CCSER2: variants seen among roughly 807,000 people sequenced by gnomAD.
CCSER2 encodes serine-rich coiled-coil domain-containing protein 2.
In CCSER2, 46 loss-of-function variants were observed where a neutral mutation model predicts 92.3. The ratio of observed to expected loss-of-function variants is 0.50; its 90% CI spans 0.39 to 0.64. CCSER2 has a LOEUF of 0.64. Among genes scored for constraint, CCSER2 ranks in the 30% least tolerant of loss-of-function variants. The pLI, the probability that CCSER2 is intolerant of heterozygous loss-of-function variation, is 0.00. For synonymous variants in CCSER2, 433 were observed against 431.4 expected, an observed-to-expected ratio of 1.00 and a Z score of -0.04; for missense variants, 1,244 against 1,238.9, an observed-to-expected ratio of 1.00 and a Z score of -0.06.
intron 5 of CCSER2, among the ~76,000 whole-genome samples, chr10:84,437,148 C>CAG (rs761029705): frequency 8.4e-5 from 12 of 143,276 alleles, no homozygotes; most frequent in African/African-American, 2.6e-4. Flanking sequence ...CACACACACA[C>CAG]ACAGAGAGAG....
intron 3 of CCSER2, among the ~76,000 whole-genome samples, chr10:84,410,600 T>G (rs560599205): frequency 5.1e-4 from 78 of 152,342 alleles, no homozygotes; most frequent in African/African-American, 1.8e-3. Context: ...GCCCATGTTT[T>G]ATTGGGATTG....
At position 84,371,068 on chromosome 10, in the gene CCSER2, C is replaced by G; in HGVS notation, c.16C>G (p.Gln6Glu). Residue 6 changes from glutamine to glutamate, a missense_variant, in exon 2 of 10, where the codon CAA becomes GAA. Gln to Glu is a conservative substitution (Grantham distance 29). Coordinates refer to ENST00000372088, the MANE Select transcript of CCSER2 (RefSeq NM_001284240.2). Reference sequence around the variant, plus strand: ...CTTATAGCTCATGGAAGAAAAAACACAAATCAAGACATTTTTGGGTTCCAA... The same window carrying G: ...CTTATAGCTCATGGAAGAAAAAACAGAAATCAAGACATTTTTGGGTTCCAA... Reference protein sequence around the residue: MEEKTQIKTFLGSKLP... With the variant: MEEKTEIKTFLGSKLP... 1.3e-6 allele frequency: 2 copies of G among 1,585,580 alleles called. No individual in the cohort carries two copies. Among genetic ancestry groups the G allele is most frequent in the Non-Finnish European group, 1.7e-6 (2 of 1,169,008 alleles).
chr10:84,332,486 T>G (rs1843635013), intron 1 of CCSER2, among the ~76,000 whole-genome samples: 1 of 131,154 alleles, frequency 7.6e-6, no homozygotes, highest in Non-Finnish European at 1.6e-5. Flanking sequence ...GTTGCCAGGC[T>G]GGAGTGCAGC....
intron 9 of CCSER2, among the ~76,000 whole-genome samples, chr10:84,495,987 G>GT (rs1167230450): frequency 1.4e-5 from 2 of 138,800 alleles, no homozygotes; most frequent in African/African-American, 2.5e-5. Context: ...CTTTATTTCT[G>GT]TTTTTTCTTT....
intron 3 of CCSER2, among the ~76,000 whole-genome samples, chr10:84,385,896 A>G (rs541603058): frequency 6.6e-6 from 1 of 152,280 alleles, no homozygotes; most frequent in Admixed American, 6.5e-5. Context: ...AAAAAAATGT[A>G]TAACTCCATT....
chr10:84,337,362 T>C (rs1385486573), intron 1 of CCSER2, among the ~76,000 whole-genome samples: 1 of 152,120 alleles, frequency 6.6e-6, no homozygotes, highest in Non-Finnish European at 1.5e-5. Flanking sequence ...CCAAGTGAAA[T>C]GTTGTAAGAA....
chr10:84,349,661 C>T (rs1844754194), intron 1 of CCSER2, among the ~76,000 whole-genome samples: 1 of 152,190 alleles, frequency 6.6e-6, no homozygotes, highest in South Asian at 2.1e-4. Flanking sequence ...CAGAGTGGGA[C>T]GACAGAGAGA....
At chr10:84,361,602 A>G (rs1225275914) in intron 1 of CCSER2, among the ~76,000 whole-genome samples, 1 of 151,266 alleles carries the variant, frequency 6.6e-6, no homozygotes, top group Non-Finnish European at 1.5e-5. Flanking sequence ...GGTCTTCATT[A>G]CCATGTTGTA....
In CCSER2 at chr10:84,372,267, T is replaced by G. The variant is rs1846102484; in HGVS notation, c.1215T>G (p.Ser405=). 6.2e-7 allele frequency: 1 copy of G among 1,613,172 alleles called. No homozygotes were observed. The highest frequency in any genetic ancestry group is 8.5e-7 in the Non-Finnish European group (1 of 1,179,278). ...DDISLSSLSS[S]DKNDLSEDFS... is the part of the protein sequence containing the mutation. ...TTTCCTTGTCGTCTTTGTCATCTTC[T>G]GATAAGAATGATTTAAGTGAAGACT... Residue 405 remains serine (S), a synonymous_variant, in exon 2 of 10, where the codon TCT becomes TCG. Coordinates refer to ENST00000372088, the MANE Select transcript of CCSER2 (RefSeq NM_001284240.2).
intron 5 of CCSER2, among the ~76,000 whole-genome samples, chr10:84,436,602 T>TCTAG (rs1040470626): frequency 4.9e-5 from 7 of 142,202 alleles, no homozygotes; most frequent in Non-Finnish European, 1.5e-5. Flanking sequence ...GCCACTGCAC[T>TCTAG]CTAGCCTGGG....
At chr10:84,442,646 G>A (rs1266119516) in intron 6 of CCSER2, among the ~76,000 whole-genome samples, 4 of 152,032 alleles carry the variant, frequency 2.6e-5, no homozygotes, top group African/African-American at 9.7e-5. Flanking sequence ...GGGAAGAAAA[G>A]GTTTTTTAAA....
At chr10:84,471,904 T>C (rs1423911752) in intron 8 of CCSER2, among the ~76,000 whole-genome samples, 1 of 152,084 alleles carries the variant, frequency 6.6e-6, no homozygotes, top group Non-Finnish European at 1.5e-5. Context: ...AGGAATATGC[T>C]GAAGGAAGTT....
At chr10:84,335,228 CTTT>C (rs1202869188) in intron 1 of CCSER2, among the ~76,000 whole-genome samples, 1,559 of 69,880 alleles carry the variant, frequency 0.022, 34 homozygotes, top group African/African-American at 0.085. Context: ...CTCTCTCTCT[CTTT>C]TTTTTTTTTT....
rs57427963 is a variant in CCSER2 at position 84,483,953 on chromosome 10, TTATATATATATATATATATA to T, written c.2325+6314_2325+6333del. Reference sequence around the variant, plus strand: ...GTGCATCCCACCACACCCGGCTAATTTATATATATATATATATATATATATATATATATATATATATATAA... The same window carrying T: ...GTGCATCCCACCACACCCGGCTAATTTATATATATATATATATATATATAA... On this transcript the variant is annotated intron_variant, in intron 9 of 9. Transcript: ENST00000372088. Among the ~76,000 whole-genome samples, 44 of 48,054 alleles carry T rather than the reference TTATATATATATATATATATA, an allele frequency of 9.2e-4. 2 individuals are homozygous for T. The highest frequency in any genetic ancestry group is 6.9e-3 in the East Asian group (7 of 1,018). The allele number at this position is 48,054 out of a possible 152,430, so 31.5% of individuals were successfully genotyped here.
At chr10:84,329,452 G>A (rs1423881224) in intron 1 of CCSER2, among the ~76,000 whole-genome samples, 1 of 152,224 alleles carries the variant, frequency 6.6e-6, no homozygotes, top group Non-Finnish European at 1.5e-5. Context: ...CGACCAATGA[G>A]GCTGGCTGCT....
At chr10:84,412,952 C>T (rs1842726167) in intron 3 of CCSER2, among the ~76,000 whole-genome samples, 1 of 152,156 alleles carries the variant, frequency 6.6e-6, no homozygotes, top group African/African-American at 2.4e-5. Flanking sequence ...ATAGTATTCT[C>T]TGATGATTGT....
chr10:84,341,375 G>A (rs920837981), intron 1 of CCSER2, among the ~76,000 whole-genome samples: 3 of 143,502 alleles, frequency 2.1e-5, no homozygotes, highest in African/African-American at 8.0e-5. Context: ...TTTAGAGGCG[G>A]AGTTTTGCTA....
In CCSER2 at chr10:84,499,104, T is replaced by C. The variant is rs1408460509; in HGVS notation, c.2326-14345T>C. Among the ~76,000 whole-genome samples, 8 of 152,324 alleles carry C rather than the reference T, an allele frequency of 5.3e-5. No individual in the cohort carries two copies. In the East Asian group the frequency reaches 1.5e-3, roughly 29 times the overall value. ...TTAGCTAATGTTCTTTATTTTTACC[T>C]GCTAATCCTCTGAAAACCTGTGATT... On this transcript the variant is annotated intron_variant, in intron 9 of 9. Transcript: ENST00000372088.
Position 84,516,024 on chromosome 10 carries a change from G to C in CCSER2, c.*1757G>C, listed in dbSNP as rs1849588126. The stretch of plus-strand genomic sequence containing the variant: ...ACCTTACAAGGAGAATGTTTGTTTT[G>C]AGCAGCTGACCAAAAATATATCAAA... On this transcript the variant is annotated 3_prime_UTR_variant, in exon 10 of 10. Coordinates refer to ENST00000372088, the MANE Select transcript of CCSER2 (RefSeq NM_001284240.2). 1 of 152,140 alleles carries C rather than the reference G, an allele frequency of 6.6e-6. No homozygotes were observed. The highest frequency in any genetic ancestry group is 1.5e-5 in the Non-Finnish European group (1 of 68,032). The allele number at this position is 152,140 out of a possible 1,614,324, so 9.4% of individuals were successfully genotyped here.
Sources: gnomAD v4.1 joint callset for allele counts (sites outside exome capture counted in the v4.1 genomes callset) on GRCh38, gnomAD v4.1.1 for gene constraint, MANE v1.5 for transcripts, NCBI Gene and HGNC (gene_info 2026-07-23, HGNC 2026-07-21) for gene names.